The following CCDC196 variants were observed in gnomAD, a reference collection of about 807,000 sequenced individuals.
The protein encoded by CCDC196 is coiled-coil domain-containing protein 196.
At chr14:66,489,575 A>C (rs193139299) in intron 4 of CCDC196, among the ~76,000 whole-genome samples, 64 of 152,184 alleles carry the variant, frequency 4.2e-4, no homozygotes, top group South Asian at 1.5e-3. Flanking sequence ...TATAATATAA[A>C]ATTATTATTA....
chr14:66,489,766 A>G (rs2057494586), intron 4 of CCDC196, among the ~76,000 whole-genome samples: 3 of 152,178 alleles, frequency 2.0e-5, no homozygotes, highest in Non-Finnish European at 4.4e-5. Flanking sequence ...ACCTAATTCC[A>G]ATACCCTTAT....
At position 66,486,648 on chromosome 14, in the gene CCDC196, T is replaced by C. The variant is rs2139570116; in HGVS notation, c.51-9T>C. The C allele has an allele frequency of 1.7e-5, 7 of 413,486 alleles. No homozygotes were observed. In the East Asian group the frequency reaches 2.5e-4, roughly 15 times the overall value. 25.6% of individuals were successfully genotyped at this position (413,486 alleles called of 1,614,324 possible). On this transcript the variant is annotated splice_polypyrimidine_tract_variant and intron_variant, in intron 1 of 9. Coordinates refer to ENST00000636229, the MANE Select transcript of CCDC196 (RefSeq NM_001351576.1). ...CTAAAGGCAGATATTATTGTGCCTC[T>C]TCCCACAGAAGTTCTAAAATAGATG...
intron 4 of CCDC196, among the ~76,000 whole-genome samples, chr14:66,489,363 T>C (rs1234679920): frequency 1.3e-5 from 2 of 152,162 alleles, no homozygotes; most frequent in Non-Finnish European, 2.9e-5. Context: ...TGCCAAGCTT[T>C]TTCCTATCTC....
At chr14:66,491,753 G>A in intron 7 of CCDC196, 68 bp downstream of exon 7, 3 of 413,038 alleles carry the variant, frequency 7.3e-6, no homozygotes, top group Admixed American at 4.4e-5. Flanking sequence ...GCTTTTAGCT[G>A]CATATTGTGA....
At chr14:66,491,943 CTG>C (rs2057548440) in intron 7 of CCDC196, 108 bp from the exon 8 acceptor site, 1 of 407,010 alleles carries the variant, frequency 2.5e-6, no homozygotes, top group African/African-American at 2.1e-5. Context: ...CTTTTAAAGA[CTG>C]AGCATGATGG....
chr14:66,498,470 TAGC>T lies in CCDC196; in HGVS notation c.*1_*3del. ...ATTGCCAGATGAAGCACTGAAGAATTAGCAGGCTTTCGCTCCATTTGCTTTGGA... is the reference window on the plus strand; with the variant it reads ...ATTGCCAGATGAAGCACTGAAGAATTAGGCTTTCGCTCCATTTGCTTTGGA... On this transcript the variant is annotated stop_retained_variant and 3_prime_UTR_variant, in exon 10 of 10. Transcript: ENST00000636229. The T allele has an allele frequency of 2.4e-6, 1 of 413,482 alleles. No individual in the cohort carries two copies. Among genetic ancestry groups the T allele is most frequent in the Non-Finnish European group, 4.4e-6 (1 of 225,778 alleles). The allele number at this position is 413,482 out of a possible 1,614,324, so 25.6% of individuals were successfully genotyped here.
At chr14:66,492,672 A>G (rs1485636114) in intron 8 of CCDC196, 3 of 152,448 alleles carry the variant, frequency 2.0e-5, no homozygotes, top group Non-Finnish European at 4.4e-5. Context: ...AAGCTTCTTT[A>G]CTAAGGCAAA....
intron 8 of CCDC196, among the ~76,000 whole-genome samples, chr14:66,494,404 T>A (rs773035283): frequency 6.6e-6 from 1 of 152,202 alleles, no homozygotes; most frequent in Non-Finnish European, 1.5e-5. Context: ...CATAAAGGAT[T>A]TTAAAACTAA....
intron 8 of CCDC196, among the ~76,000 whole-genome samples, chr14:66,497,516 T>C (rs1279874210): frequency 2.0e-5 from 3 of 152,164 alleles, no homozygotes; most frequent in Admixed American, 6.5e-5. Flanking sequence ...TAATTTTTAG[T>C]ATAAGTGTGT....
intron 2 of CCDC196, among the ~76,000 whole-genome samples, chr14:66,487,810 T>C (rs1193884360): frequency 6.6e-6 from 1 of 152,300 alleles, no homozygotes; most frequent in East Asian, 1.9e-4. Context: ...TAGCAGGTTC[T>C]TCAACCTCTT....
intron 8 of CCDC196, chr14:66,496,615 A>G (rs1327728365): frequency 1.1e-5 from 3 of 276,554 alleles, no homozygotes; most frequent in African/African-American, 6.6e-5. Context: ...TAACTTCTAT[A>G]GAGTCCAGAA....
At chr14:66,489,058 T>C (rs1469165868) in intron 4 of CCDC196, 21 bp downstream of exon 4, 7 of 413,082 alleles carry the variant, frequency 1.7e-5, no homozygotes, top group Non-Finnish European at 3.1e-5. Context: ...AAGGATCTAT[T>C]GAAAGTATTG....
intron 7 of CCDC196, 98 bp from the exon 8 acceptor site, chr14:66,491,955 G>A: frequency 2.5e-6 from 1 of 408,052 alleles, no homozygotes; most frequent in Non-Finnish European, 4.4e-6. Flanking sequence ...GAGCATGATG[G>A]AATTACTTTT....
chr14:66,497,627 G>GAACTATCTA, intron 8 of CCDC196, among the ~76,000 whole-genome samples: 1 of 152,018 alleles, frequency 6.6e-6, no homozygotes, highest in Admixed American at 6.6e-5. Context: ...CTCTAATTTA[G>GAACTATCTA]AACAGACTCA....
intron 3 of CCDC196, 27 bp downstream of exon 3, chr14:66,488,283 C>T: frequency 2.4e-6 from 1 of 412,088 alleles, no homozygotes. Context: ...ACTCCAGGAA[C>T]AGCCTCCTGA....
intron 8 of CCDC196, chr14:66,494,949 C>G (rs1477703750): frequency 6.6e-6 from 1 of 151,974 alleles, no homozygotes; most frequent in African/African-American, 2.4e-5. Context: ...TCGCTTGAAC[C>G]TGGGAGGCAG....
chr14:66,493,454 C>G (rs1030511394), intron 8 of CCDC196, among the ~76,000 whole-genome samples: 6 of 152,140 alleles, frequency 3.9e-5, no homozygotes, highest in African/African-American at 1.4e-4. Flanking sequence ...AATTTCTCCT[C>G]CAGGTCCATA....
chr14:66,487,510 CAA>C (rs755358911), intron 2 of CCDC196, among the ~76,000 whole-genome samples: 8 of 152,294 alleles, frequency 5.3e-5, no homozygotes, highest in East Asian at 1.9e-4. Flanking sequence ...CAAGAAAACA[CAA>C]AGTCTTAGAA....
chr14:66,489,669 C>A (rs537588531), intron 4 of CCDC196, among the ~76,000 whole-genome samples: 1 of 152,168 alleles, frequency 6.6e-6, no homozygotes, highest in African/African-American at 2.4e-5. Flanking sequence ...ATCTTGATTG[C>A]TTTGTCCAAA....
Sources: gnomAD v4.1 joint callset for allele counts (sites outside exome capture counted in the v4.1 genomes callset) on GRCh38, gnomAD v4.1.1 for gene constraint, MANE v1.5 for transcripts, NCBI Gene and HGNC (gene_info 2026-07-23, HGNC 2026-07-21) for gene names.